The following COL14A1 variants were observed in gnomAD, a reference collection of about 807,000 sequenced individuals.
COL14A1 encodes collagen alpha-1(XIV) chain.
Under a neutral mutation model 230.3 loss-of-function variants are expected in COL14A1, and 136 were observed. That is an observed-to-expected ratio of 0.59 (90% CI 0.51 to 0.68). The LOEUF (loss-of-function observed/expected upper bound fraction) is 0.68, where lower values mean the gene tolerates loss of function less well. Among genes scored for constraint, COL14A1 ranks in the 30% least tolerant of loss-of-function variants. The pLI is 0.00. For synonymous variants in COL14A1, 792 were observed against 784.1 expected (o/e 1.01, Z -0.17); for missense variants, 1,976 against 2,215.8 (o/e 0.89, Z 2.17).
intron 45 of COL14A1, among the ~76,000 whole-genome samples, chr8:120,360,895 A>G (rs1296305203): frequency 6.6e-6 from 1 of 152,068 alleles, no homozygotes; most frequent in Non-Finnish European, 1.5e-5. Flanking sequence ...GCCCAATGGA[A>G]AGCATTGAGG....
At chr8:120,264,558 AC>A (rs1449443000) in intron 24 of COL14A1, among the ~76,000 whole-genome samples, 3 of 152,156 alleles carry the variant, frequency 2.0e-5, no homozygotes, top group African/African-American at 2.4e-5. Context: ...GAGCTTTTCA[AC>A]CCATATGTCA....
Position 120,212,445 on chromosome 8 carries a change from C to A in COL14A1, c.1468-3C>A. ...ATGATCTAACAACATGTGTTCTTTT[C>A]AGATGAAAATTGGAGAGACCCACAC... On this transcript the variant is annotated splice_region_variant and splice_polypyrimidine_tract_variant and intron_variant, in intron 12 of 47. Transcript: ENST00000297848. 1 of 1,612,672 alleles carries A rather than the reference C, an allele frequency of 6.2e-7. No individual in the cohort carries two copies. Among genetic ancestry groups the A allele is most frequent in the South Asian group, 1.1e-5 (1 of 90,980 alleles).
chr8:120,239,884 T>C (rs1396924319), intron 19 of COL14A1, among the ~76,000 whole-genome samples: 1 of 151,864 alleles, frequency 6.6e-6, no homozygotes, highest in African/African-American at 2.4e-5. Context: ...GAGAAATACA[T>C]TAAGCTTCTT....
intron 10 of COL14A1, among the ~76,000 whole-genome samples, chr8:120,207,840 CAAA>C (rs35971998): frequency 1.4e-4 from 16 of 116,892 alleles, no homozygotes; most frequent in Admixed American, 3.3e-4. Context: ...TCATTTGGAC[CAAA>C]AAAAAAAAAA....
intron 1 of COL14A1, among the ~76,000 whole-genome samples, chr8:120,129,213 A>G (rs1255910497): frequency 1.3e-5 from 2 of 152,196 alleles, no homozygotes; most frequent in Non-Finnish European, 2.9e-5. Flanking sequence ...AGAATGGAAA[A>G]TAAAGATTAC....
At chr8:120,357,356 G>C (rs148555161) in intron 45 of COL14A1, among the ~76,000 whole-genome samples, 4 of 152,210 alleles carry the variant, frequency 2.6e-5, no homozygotes, top group African/African-American at 7.2e-5. Flanking sequence ...GGAGCTCTTC[G>C]TGGGGCATGG....
At chr8:120,269,992 T>G (rs1482030713) in intron 25 of COL14A1, 43 bp from the exon 26 acceptor site, 11 of 1,606,016 alleles carry the variant, frequency 6.8e-6, no homozygotes, top group Non-Finnish European at 9.4e-6. Context: ...AACTACTAAC[T>G]TTTCCCCTTA....
At chr8:120,280,189 G>A in intron 29 of COL14A1, 90 bp downstream of exon 29, 1 of 1,440,336 alleles carries the variant, frequency 6.9e-7, no homozygotes, top group Non-Finnish European at 9.6e-7. Context: ...CTAGATCTGA[G>A]AAAAGAATAT....
intron 37 of COL14A1, among the ~76,000 whole-genome samples, chr8:120,311,307 C>A (rs1821029797): frequency 6.6e-6 from 1 of 152,168 alleles, no homozygotes; most frequent in Non-Finnish European, 1.5e-5. Context: ...GGCAATGCCC[C>A]TCTGCTCCTA....
intron 42 of COL14A1, among the ~76,000 whole-genome samples, chr8:120,334,840 G>A (rs902076959): frequency 3.3e-5 from 5 of 152,200 alleles, no homozygotes; most frequent in Non-Finnish European, 2.9e-5. Flanking sequence ...AGTTGTGTAA[G>A]CCACATGCAC....
At chr8:120,128,075 C>T (rs927518986) in intron 1 of COL14A1, among the ~76,000 whole-genome samples, 3 of 152,118 alleles carry the variant, frequency 2.0e-5, no homozygotes, top group Non-Finnish European at 1.5e-5. Context: ...CTCGATAGTG[C>T]TGGATGTTAG....
At chr8:120,304,561 G>T (rs896276543) in intron 36 of COL14A1, among the ~76,000 whole-genome samples, 2 of 152,054 alleles carry the variant, frequency 1.3e-5, no homozygotes, top group Non-Finnish European at 2.9e-5. Context: ...CTATTGGCTT[G>T]TTACGTGAAT....
chr8:120,372,307 A>G lies in COL14A1; in HGVS notation c.*1076A>G, dbSNP rs1032451942. On this transcript the variant is annotated 3_prime_UTR_variant, in exon 48 of 48. Transcript: ENST00000297848. ...CCTGCAAATGCATGACCTCTGCTAA[A>G]TAAATGTTTATCAATAGTTGACTGA... Among the ~76,000 whole-genome samples, 1 of 152,210 alleles carries G rather than the reference A, an allele frequency of 6.6e-6. No homozygotes were observed. The highest frequency in any genetic ancestry group is 1.5e-5 in the Non-Finnish European group (1 of 68,036).
rs539575321 is a variant in COL14A1, at chr8:120,287,215, TAAAA to T, written c.4077+1255_4077+1258del. On this transcript the variant is annotated intron_variant, in intron 33 of 47. Transcript: ENST00000297848. ...CACATAATTGCATAAGAACAGTTGC[TAAAA>T]AAAAAAAAACAACTTGCTTTTTTTC... Among the ~76,000 whole-genome samples, 1,026 of 135,950 alleles carry T rather than the reference TAAAA, an allele frequency of 7.5e-3. 12 individuals are homozygous for T. Among genetic ancestry groups the T allele is most frequent in the African/African-American group, 0.025 (936 of 37,210 alleles). The allele number at this position is 135,950 out of a possible 152,430, so 89.2% of individuals were successfully genotyped here. A position where few individuals can be genotyped will look rare whatever the true frequency, so the allele number is the denominator to read the frequency against.
intron 21 of COL14A1, among the ~76,000 whole-genome samples, chr8:120,248,732 G>A (rs916086834): frequency 5.9e-5 from 9 of 151,820 alleles, no homozygotes; most frequent in South Asian, 2.1e-4. Context: ...GGCATGCACC[G>A]TACCCCCAGC....
intron 34 of COL14A1, among the ~76,000 whole-genome samples, chr8:120,294,350 A>G (rs1391497859): frequency 6.6e-6 from 1 of 151,692 alleles, no homozygotes; most frequent in Non-Finnish European, 1.5e-5. Context: ...ACAATGAAAA[A>G]TGAGCATTTG....
intron 45 of COL14A1, among the ~76,000 whole-genome samples, 172 bp from the exon 46 acceptor site, chr8:120,366,999 A>T (rs1421105044): frequency 6.6e-6 from 1 of 151,968 alleles, no homozygotes; most frequent in African/African-American, 2.4e-5. Flanking sequence ...GTGATTCTAC[A>T]TATACTACCA....
intron 31 of COL14A1, among the ~76,000 whole-genome samples, chr8:120,281,582 A>C (rs956179236): frequency 6.7e-6 from 1 of 150,114 alleles, no homozygotes; most frequent in African/African-American, 2.5e-5. Context: ...AAAAAAAAAA[A>C]GTTGATACTT....
At chr8:120,274,704 G>A (rs1179442131) in intron 26 of COL14A1, among the ~76,000 whole-genome samples, 1 of 151,130 alleles carries the variant, frequency 6.6e-6, no homozygotes, top group Admixed American at 6.6e-5. Context: ...TAAGAGATAA[G>A]GCCTGAGGAT....
Sources: allele counts gnomAD v4.1 joint callset (sites outside exome capture counted in the v4.1 genomes callset), GRCh38; gene constraint gnomAD v4.1.1; transcripts MANE v1.5; gene names NCBI Gene and HGNC (gene_info 2026-07-23, HGNC 2026-07-21).